KYNU: variants seen among roughly 807,000 people sequenced by gnomAD.
KYNU encodes L-kynurenine hydrolase.
In KYNU, 54 loss-of-function variants were observed where a neutral mutation model predicts 59.2. That is an observed-to-expected ratio of 0.91 (90% CI 0.73 to 1.14). KYNU has a LOEUF of 1.14. KYNU is among the 50% of genes most tolerant of loss of function. The pLI, the probability that KYNU is intolerant of heterozygous loss-of-function variation, is 0.00. For missense variants in KYNU, 567 were observed against 554.4 expected (o/e 1.02, Z -0.23); for synonymous variants, 177 against 192.0 (o/e 0.92, Z 0.65).
At chr2:143,029,382 T>G (rs960699651) in intron 10 of KYNU, among the ~76,000 whole-genome samples, 1 of 152,160 alleles carries the variant, frequency 6.6e-6, no homozygotes, top group African/African-American at 2.4e-5. Flanking sequence ...GCTCAGGAAC[T>G]CAAGACCAGC....
At chr2:142,895,736 G>T (rs1279096862) in intron 2 of KYNU, among the ~76,000 whole-genome samples, 1 of 151,994 alleles carries the variant, frequency 6.6e-6, no homozygotes, top group East Asian at 1.9e-4. Context: ...CCAGGCTGGA[G>T]TGCAGTGGCA....
At chr2:142,920,682 GC>G (rs1422783846) in intron 3 of KYNU, among the ~76,000 whole-genome samples, 1 of 152,122 alleles carries the variant, frequency 6.6e-6, no homozygotes, top group Non-Finnish European at 1.5e-5. Context: ...ATTCAGAAAG[GC>G]TGTATATTTT....
rs1426171897 is a variant in KYNU, at chr2:143,042,624, A to G, written c.*452A>G. 0.15 allele frequency: 18,970 copies of G among 123,922 alleles called. 1,681 individuals are homozygous for G. Among genetic ancestry groups the G allele is most frequent in the East Asian group, 0.27 (1,136 of 4,214 alleles). 7.7% of individuals were successfully genotyped at this position (123,922 alleles called of 1,614,324 possible). A position where few individuals can be genotyped will look rare whatever the true frequency, so the allele number is the denominator to read the frequency against. ...TATATATATATATATATATATATAT[A>G]TATATATGTGTGTGTGTGTGTGTGT... On this transcript the variant is annotated 3_prime_UTR_variant, in exon 14 of 14. Transcript: ENST00000264170.
intron 10 of KYNU, chr2:142,989,361 A>C: frequency 3.0e-6 from 3 of 999,332 alleles, no homozygotes; most frequent in Non-Finnish European, 3.6e-6. Context: ...GAGACCAAAG[A>C]GTTTTTCACT....
chr2:143,012,798 G>A (rs1686147554), intron 10 of KYNU, among the ~76,000 whole-genome samples: 1 of 151,976 alleles, frequency 6.6e-6, no homozygotes, highest in Non-Finnish European at 1.5e-5. Context: ...TTGGAGTTCT[G>A]GACTTGTTCA....
At chr2:142,918,572 A>ATT (rs35434351) in intron 2 of KYNU, 37 bp from the exon 3 acceptor site, 591 of 1,310,416 alleles carry the variant, frequency 4.5e-4, no homozygotes, top group Middle Eastern at 5.5e-4. Flanking sequence ...AAAAGCTTTT[A>ATT]TTTTTTTTTT....
intron 10 of KYNU, among the ~76,000 whole-genome samples, chr2:142,993,109 G>A (rs1385526377): frequency 6.6e-6 from 1 of 151,950 alleles, no homozygotes; most frequent in East Asian, 1.9e-4. Flanking sequence ...TACTAACTAA[G>A]TGAATAAATT....
intron 8 of KYNU, among the ~76,000 whole-genome samples, chr2:142,975,558 C>T (rs1021677517): frequency 6.6e-6 from 1 of 152,102 alleles, no homozygotes; most frequent in African/African-American, 2.4e-5. Context: ...TGTAACATAC[C>T]CCTAGATGCT....
At chr2:142,930,779 G>C (rs973266846) in intron 4 of KYNU, among the ~76,000 whole-genome samples, 1 of 152,192 alleles carries the variant, frequency 6.6e-6, no homozygotes, top group African/African-American at 2.4e-5. Flanking sequence ...TTGGAGATTA[G>C]GGCTTTAACA....
intron 10 of KYNU, among the ~76,000 whole-genome samples, chr2:143,015,897 A>G (rs1246578966): frequency 6.6e-6 from 1 of 152,214 alleles, no homozygotes; most frequent in Non-Finnish European, 1.5e-5. Flanking sequence ...GGTTCTTTGA[A>G]TTTAACTCAG....
chr2:142,939,772 T>G (rs1683530039), intron 4 of KYNU, among the ~76,000 whole-genome samples: 1 of 151,858 alleles, frequency 6.6e-6, no homozygotes, highest in Non-Finnish European at 1.5e-5. Context: ...GACCAGAAAT[T>G]TACAACTATT....
At chr2:142,936,362 C>T (rs538527538) in intron 4 of KYNU, among the ~76,000 whole-genome samples, 7 of 152,148 alleles carry the variant, frequency 4.6e-5, no homozygotes, top group South Asian at 4.2e-4. Context: ...TAAAAAAAGA[C>T]GGGGCACTTA....
intron 2 of KYNU, among the ~76,000 whole-genome samples, chr2:142,888,766 C>T (rs1367308486): frequency 6.6e-6 from 1 of 151,122 alleles, no homozygotes; most frequent in South Asian, 2.1e-4. Flanking sequence ...TTCATGTATT[C>T]GGCAAATATT....
chr2:143,004,179 A>G (rs1264912210), intron 10 of KYNU, among the ~76,000 whole-genome samples: 1 of 152,226 alleles, frequency 6.6e-6, no homozygotes, highest in Non-Finnish European at 1.5e-5. Flanking sequence ...GATATATTCA[A>G]GTAGGGAGGG....
intron 4 of KYNU, among the ~76,000 whole-genome samples, chr2:142,939,617 A>AAG (rs1683519117): frequency 6.7e-6 from 1 of 150,140 alleles, no homozygotes; most frequent in Non-Finnish European, 1.5e-5. Context: ...AAAAAAAAAA[A>AAG]AAAAAGAAAA....
rs1686653298 is a variant in KYNU at position 143,028,780 on chromosome 2, G to GGAGGTTGTGGTGAGCC, written c.903-846_903-831dup. Among the ~76,000 whole-genome samples the GGAGGTTGTGGTGAGCC allele has an allele frequency of 3.0e-4, 46 of 152,126 alleles. No individual in the cohort carries two copies. In the South Asian group the frequency reaches 9.6e-3, roughly 32 times the overall value. On this transcript the variant is annotated intron_variant, in intron 10 of 13. Transcript: ENST00000264170. ...GGAGAATTACTTGAACCCGGAAGGCGGAGGTTGTGGTGAGCCAAGATTGCT... is the reference window on the plus strand; with the variant it reads ...GGAGAATTACTTGAACCCGGAAGGCGGAGGTTGTGGTGAGCCGAGGTTGTGGTGAGCCAAGATTGCT...
chr2:143,017,367 A>G (rs1284940533), intron 10 of KYNU, among the ~76,000 whole-genome samples: 1 of 150,832 alleles, frequency 6.6e-6, no homozygotes, highest in African/African-American at 2.4e-5. Flanking sequence ...CCAACAGCGT[A>G]TAACTGTTCT....
At chr2:142,929,359 C>CAAAAAAAAAAAAAAAAA (rs5834929) in intron 4 of KYNU, among the ~76,000 whole-genome samples, 1 of 106,452 alleles carries the variant, frequency 9.4e-6, no homozygotes, top group African/African-American at 3.7e-5. Flanking sequence ...TTGCCTTTCT[C>CAAAAAAAAAAAAAAAAA]AAAAAAAAAA....
intron 2 of KYNU, among the ~76,000 whole-genome samples, chr2:142,898,718 G>C (rs1185914923): frequency 1.3e-5 from 2 of 152,084 alleles, no homozygotes; most frequent in African/African-American, 4.8e-5. Flanking sequence ...TCCCAAGATG[G>C]GGCGGGCCGC....
Sources: allele counts gnomAD v4.1 joint callset (sites outside exome capture counted in the v4.1 genomes callset), GRCh38; gene constraint gnomAD v4.1.1; transcripts MANE v1.5; gene names NCBI Gene and HGNC (gene_info 2026-07-23, HGNC 2026-07-21).